Variants in PCGF3 observed in about 807,000 individuals in gnomAD.
PCGF3 encodes polycomb group RING finger protein 3.
A neutral mutation model predicts 33.1 loss-of-function variants in PCGF3; 7 were observed. That is an observed-to-expected ratio of 0.21 (90% CI 0.12 to 0.40). PCGF3 has a LOEUF of 0.40. Ranked by LOEUF, PCGF3 falls within the 10% of genes least tolerant of loss-of-function variation. The pLI is 1.00. For synonymous variants in PCGF3, 153 were observed against 121.3 expected, an observed-to-expected ratio of 1.26 and a Z score of -1.72; for missense variants, 211 against 313.3, an observed-to-expected ratio of 0.67 and a Z score of 2.46.
At chr4:735,135 C>A (rs993359530) in intron 5 of PCGF3, 108 bp downstream of exon 5, 36 of 1,271,792 alleles carry the variant, frequency 2.8e-5, no homozygotes, top group Non-Finnish European at 3.8e-5. Context: ...CCTGCCTTGG[C>A]AGCAGCCTCT....
intron 4 of PCGF3, 143 bp downstream of exon 4, chr4:733,932 T>TG (rs1314191927): frequency 2.6e-5 from 40 of 1,557,978 alleles, no homozygotes; most frequent in Non-Finnish European, 3.3e-5. Context: ...GAGACGATCT[T>TG]GAAGATAAGT....
intron 9 of PCGF3, among the ~76,000 whole-genome samples, chr4:763,345 C>T (rs947955624): frequency 6.6e-6 from 1 of 152,042 alleles, no homozygotes; most frequent in Admixed American, 6.6e-5. Flanking sequence ...TTGGCCATTT[C>T]CCAGCGCAGG....
intron 8 of PCGF3, among the ~76,000 whole-genome samples, chr4:760,314 C>A (rs1744979172): frequency 6.6e-6 from 1 of 152,152 alleles, no homozygotes; most frequent in Admixed American, 6.5e-5. Context: ...TCTTAGCCTT[C>A]CTTTTATTGT....
At chr4:763,770 C>G (rs1482523093) in intron 9 of PCGF3, among the ~76,000 whole-genome samples, 1 of 152,246 alleles carries the variant, frequency 6.6e-6, no homozygotes, top group Non-Finnish European at 1.5e-5. Flanking sequence ...TTGATAGCAT[C>G]TTTCTTCATA....
chr4:729,973 GC>G lies in PCGF3; in HGVS notation c.-189-653del, dbSNP rs1743483972. On this transcript the variant is annotated intron_variant, in intron 1 of 10. Transcript: ENST00000362003. ...CTCCCAGCATGGCAGCCACCCTGAT[GC>G]CCCATCCCAGACGCAGGGTCCCTAC... 2.0e-5 allele frequency among the ~76,000 whole-genome samples: 3 copies of G among 152,104 alleles called. No homozygotes were observed. In the South Asian group the frequency reaches 6.2e-4, roughly 32 times the overall value.
intron 6 of PCGF3, among the ~76,000 whole-genome samples, chr4:742,276 C>T (rs1744128868): frequency 6.6e-6 from 1 of 152,124 alleles, no homozygotes; most frequent in Admixed American, 6.5e-5. Context: ...GGGGCATCCT[C>T]CTCTCTGTCC....
chr4:712,736 G>A (rs1742629259), intron 1 of PCGF3, among the ~76,000 whole-genome samples: 2 of 152,204 alleles, frequency 1.3e-5, no homozygotes, highest in Admixed American at 6.5e-5. Context: ...GTGAGCCACC[G>A]CGCCCGGCCA....
chr4:766,108 G>A lies in PCGF3; in HGVS notation c.*29G>A, dbSNP rs930990238. The A allele has an allele frequency of 3.7e-6, 6 of 1,609,366 alleles. No homozygotes were observed. The East Asian group carries it at 8.9e-5, about 24-fold the overall frequency. On this transcript the variant is annotated 3_prime_UTR_variant, in exon 11 of 11. Coordinates refer to ENST00000362003, the Ensembl canonical transcript of PCGF3. ...GTGCCACACAGCGCCCACAGACTGG[G>A]CCCTCGCACCCTTGGGTGCTCCCGG...
rs916027920 is a variant in PCGF3, at chr4:720,666, G to A, written c.-189-9964G>A. 1.3e-5 allele frequency among the ~76,000 whole-genome samples: 2 copies of A among 150,072 alleles called. No homozygotes were observed. Among genetic ancestry groups the A allele is most frequent in the Non-Finnish European group, 3.0e-5 (2 of 67,498 alleles). ...CCGGGGTGGACGGGCGGTGACGTGCGTGTGGACCCGGGGTGGACGGGCGGT... is the reference window on the plus strand; with the variant it reads ...CCGGGGTGGACGGGCGGTGACGTGCATGTGGACCCGGGGTGGACGGGCGGT... On this transcript the variant is annotated intron_variant, in intron 1 of 10. Coordinates refer to ENST00000362003, the Ensembl canonical transcript of PCGF3. This position sits in a 1 kb window ranked among gnomAD's most constrained non-coding sequence, Gnocchi z 5.6.
At chr4:724,365 C>G (rs986746720) in intron 1 of PCGF3, among the ~76,000 whole-genome samples, 1 of 152,236 alleles carries the variant, frequency 6.6e-6, no homozygotes, top group Non-Finnish European at 1.5e-5. Flanking sequence ...GCCGGCCGCA[C>G]AGGCAGGGAA....
At chr4:714,650 G>A (rs1742731019) in intron 1 of PCGF3, among the ~76,000 whole-genome samples, 1 of 152,184 alleles carries the variant, frequency 6.6e-6, no homozygotes, top group Admixed American at 6.5e-5. Context: ...GGCGTTGGAG[G>A]TCTTGTCTCC....
At chr4:711,137 C>T (rs77682547) in intron 1 of PCGF3, among the ~76,000 whole-genome samples, 5,867 of 152,268 alleles carry the variant, frequency 0.039, 192 homozygotes, top group Admixed American at 0.1. Context: ...TGCCTCCTTC[C>T]GGTTCTGGGC....
In PCGF3 at chr4:747,663, C is replaced by CG. The variant is rs535759842; in HGVS notation, c.462+2979dup. ...AGGCGTGAGCAGGTGGGCGGGGCCC[C>CG]GGGGTCGCTGCAGTGTTAGTGCTCG... On this transcript the variant is annotated intron_variant, in intron 8 of 10. Transcript: ENST00000362003. Among the ~76,000 whole-genome samples the CG allele has an allele frequency of 9.8e-3, 462 of 47,216 alleles. 22 individuals are homozygous for CG. The highest frequency in any genetic ancestry group is 0.039 in the Middle Eastern group (3 of 76). 31.0% of individuals were successfully genotyped at this position (47,216 alleles called of 152,430 possible). A position where few individuals can be genotyped will look rare whatever the true frequency, so the allele number is the denominator to read the frequency against.
intron 1 of PCGF3, among the ~76,000 whole-genome samples, chr4:715,431 C>T (rs1212287006): frequency 1.5e-5 from 2 of 131,824 alleles, no homozygotes; most frequent in African/African-American, 2.8e-5. Context: ...CACTGGGCGT[C>T]GGTGCTGGGA....
At chr4:734,513 T>C (rs1345324928) in intron 4 of PCGF3, 10 of 1,205,680 alleles carry the variant, frequency 8.3e-6, no homozygotes, top group African/African-American at 3.1e-5. Flanking sequence ...TTTTTAGATA[T>C]TGGTTAGCAT....
At chr4:733,841 T>C (rs767173772) in intron 4 of PCGF3, 52 bp downstream of exon 4, 2 of 1,613,104 alleles carry the variant, frequency 1.2e-6, no homozygotes, top group Non-Finnish European at 1.7e-6. Context: ...CCCAGCTCTG[T>C]GCTCTTCAGA....
intron 5 of PCGF3, 96 bp from the exon 6 acceptor site, chr4:737,370 T>G (rs890170413): frequency 1.7e-5 from 14 of 824,956 alleles, no homozygotes; most frequent in Non-Finnish European, 2.9e-5. Flanking sequence ...AGCTCCAGAC[T>G]GGTGATTCTG....
chr4:762,764 T>C (rs984297960), intron 9 of PCGF3: 24 of 152,300 alleles, frequency 1.6e-4, no homozygotes, highest in African/African-American at 4.6e-4. Context: ...GTGGCTGTTA[T>C]GGACTCTGGA....
At chr4:715,954 C>T (rs1207981938) in intron 1 of PCGF3, among the ~76,000 whole-genome samples, 7 of 92,044 alleles carry the variant, frequency 7.6e-5, no homozygotes, top group South Asian at 4.7e-4. Context: ...GAGAACTGGG[C>T]GTCGGTGCTG....
Sources: allele counts gnomAD v4.1 joint callset (sites outside exome capture counted in the v4.1 genomes callset), GRCh38; gene constraint gnomAD v4.1.1; non-coding constraint Gnocchi (gnomAD v3.1); transcripts MANE v1.5; gene names NCBI Gene and HGNC (gene_info 2026-07-23, HGNC 2026-07-21).